Variants in FLG2 observed in about 807,000 individuals in gnomAD.
The protein encoded by FLG2 is filaggrin-2.
Under a neutral mutation model 3.9 loss-of-function variants are expected in FLG2, and 7 were observed. The ratio of observed to expected loss-of-function variants is 1.79; its 90% CI spans 1.02 to 3.36. The LOEUF (loss-of-function observed/expected upper bound fraction) is 3.36. FLG2 is among the 30% of genes most tolerant of loss of function. FLG2 has a pLI of 0.00. For synonymous variants in FLG2, 1,031 were observed against 1,056.1 expected (o/e 0.98, Z 0.46); for missense variants, 2,700 against 2,809.4 (o/e 0.96, Z 0.88).
chr1:152,356,975 C>T lies in FLG2; in HGVS notation c.811G>A (p.Gly271Arg). The part of the protein sequence containing the change: ...QKLGSSCSGS[G>R]DSGRRSHACG... ...GCATGACTTCGCCTCCCACTGTCTC[C>T]TGAACCTGAACAGCTAGACCCAAGC... is the stretch of plus-strand genomic sequence containing the variant. The change falls in exon 3 of 3, where the codon GGA becomes AGA. Residue 271 changes from glycine (G) to arginine (R), a missense_variant. Coordinates refer to ENST00000388718, the MANE Select transcript of FLG2 (RefSeq NM_001014342.3). 1 of 1,614,236 alleles carries T rather than the reference C, an allele frequency of 6.2e-7. No individual in the cohort carries two copies. The highest frequency in any genetic ancestry group is 8.5e-7 in the Non-Finnish European group (1 of 1,180,044).
At position 152,356,815 on chromosome 1, in the gene FLG2, C is replaced by T; in HGVS notation, c.971G>A (p.Gly324Glu). The stretch of plus-strand genomic sequence containing the variant: ...TCCTGAGACACAGCCATGGCCTTGT[C>T]CTCCCTTAATTCCTGACTGACAGCC... ...QSGCQSGIKG[G>E]QGHGCVSGGQ... Residue 324 changes from glycine to glutamate, a missense_variant, in exon 3 of 3, where the codon GGA becomes GAA. Physicochemically the swap from Gly to Glu is moderately conservative, Grantham distance 98. Coordinates refer to ENST00000388718, the MANE Select transcript of FLG2 (RefSeq NM_001014342.3). 1.2e-6 allele frequency: 2 copies of T among 1,614,208 alleles called. No homozygotes were observed. Among genetic ancestry groups the T allele is most frequent in the East Asian group, 4.5e-5 (2 of 44,890 alleles).
chr1:152,358,573 T>C (rs570885922), intron 2 of FLG2, among the ~76,000 whole-genome samples, 174 bp downstream of exon 2: 1 of 152,290 alleles, frequency 6.6e-6, no homozygotes, highest in South Asian at 2.1e-4. Context: ...GGACGAAACA[T>C]TCACTTTCTT....
At chr1:152,358,426 T>A (rs1439966704) in intron 2 of FLG2, among the ~76,000 whole-genome samples, 1 of 152,144 alleles carries the variant, frequency 6.6e-6, no homozygotes, top group African/African-American at 2.4e-5. Flanking sequence ...TTTCTATACT[T>A]TTTTTTCCAT....
In FLG2 at chr1:152,357,605, G is replaced by C; in HGVS notation, c.181C>G (p.Leu61Val). The C allele has an allele frequency of 6.2e-7, 1 of 1,613,874 alleles. No individual in the cohort carries two copies. Among genetic ancestry groups the C allele is most frequent in the Non-Finnish European group, 8.5e-7 (1 of 1,179,920 alleles). The change falls in exon 3 of 3, where the codon CTG (leucine) becomes GTG (valine). Residue 61 changes from leucine to valine, a missense_variant. Leu to Val is a conservative substitution (Grantham distance 32, BLOSUM62 1). Transcript: ENST00000388718. ...PDTVDVIMHMLDRDHDRRLDF... is the reference protein window; with the variant it reads ...PDTVDVIMHMVDRDHDRRLDF... ...AATCTTCTGTCATGATCTCGATCCA[G>C]CATATGCATGATGACATCCACTGTG...
Position 152,355,356 on chromosome 1 carries a change from A to G in FLG2, c.2430T>C (p.Tyr810=), listed in dbSNP as rs1270254316. Reference sequence around the variant, plus strand: ...CAGCGGACTGACCTGAGCCTGATCCATATTGGCCAAAGCCAGTGGATTGAC... The same window carrying G: ...CAGCGGACTGACCTGAGCCTGATCCGTATTGGCCAAAGCCAGTGGATTGAC... The part of the protein sequence containing the change: ...GSSQSTGFGQ[Y]GSGSGQSAGF... The change falls in exon 3 of 3, where the codon TAT becomes TAC. Residue 810 remains tyrosine, a synonymous_variant. Transcript: ENST00000388718. 1 of 1,613,874 alleles carries G rather than the reference A, an allele frequency of 6.2e-7. No homozygotes were observed. The highest frequency in any genetic ancestry group is 1.3e-5 in the African/African-American group (1 of 74,980).
rs546045081 is a variant in FLG2, at chr1:152,350,673, G to T, written c.7113C>A (p.Ile2371=). The change falls in exon 3 of 3, where the codon ATC becomes ATA. Residue 2371 remains isoleucine (I), a synonymous_variant. Transcript: ENST00000388718. The part of the protein sequence containing the change: ...YGPSGGSRKS[I]SNSHLSWSTD... ...TTGACCATGAAAGGTGAGAATTACT[G>T]ATGCTTTTTCTGCTGCCACCAGAAG... 6.2e-7 allele frequency: 1 copy of T among 1,614,180 alleles called. No homozygotes were observed. Among genetic ancestry groups the T allele is most frequent in the Non-Finnish European group, 8.5e-7 (1 of 1,180,028 alleles).
Position 152,353,195 on chromosome 1 carries a change from C to T in FLG2, c.4591G>A (p.Glu1531Lys), listed in dbSNP as rs746579887. The stretch of plus-strand genomic sequence containing the variant: ...CTGTCATGAATTATGGATTCTGACT[C>T]TCCATGTTGAGATCCACTTTGGCCG... ...THGQSGSQHG[E>K]SESIIHDRHR... The change falls in exon 3 of 3, where the codon GAG becomes AAG. Residue 1531 changes from glutamate (E) to lysine (K), a missense_variant. Glu to Lys is a moderately conservative substitution (Grantham distance 56). Coordinates refer to ENST00000388718, the MANE Select transcript of FLG2 (RefSeq NM_001014342.3). 6 of 1,611,682 alleles carry T rather than the reference C, an allele frequency of 3.7e-6. No homozygotes were observed. Among genetic ancestry groups the T allele is most frequent in the East Asian group, 4.5e-5 (2 of 44,700 alleles).
At position 152,357,588 on chromosome 1, in the gene FLG2, G is replaced by C. The variant is rs762271472; in HGVS notation, c.198C>G (p.Asp66Glu). ...VIMHMLDRDH[D>E]RRLDFTEFLL... ...GAAACTCAGTAAAGTCCAATCTTCT[G>C]TCATGATCTCGATCCAGCATATGCA... Residue 66 changes from aspartate (D) to glutamate (E), a missense_variant, in exon 3 of 3, where the codon GAC becomes GAG. By Grantham distance (45) the Asp-to-Glu change is conservative (BLOSUM62 2). Coordinates refer to ENST00000388718, the MANE Select transcript of FLG2 (RefSeq NM_001014342.3). The C allele has an allele frequency of 6.8e-6, 11 of 1,613,916 alleles. No individual in the cohort carries two copies. In the African/African-American group the frequency reaches 1.2e-4, roughly 18 times the overall value.
Position 152,354,943 on chromosome 1 carries a change from A to C in FLG2, c.2843T>G (p.Phe948Cys), listed in dbSNP as rs748702619. The change falls in exon 3 of 3, where the codon TTT becomes TGT. Residue 948 changes from phenylalanine to cysteine, a missense_variant. Phe to Cys is a radical substitution (Grantham distance 205, BLOSUM62 -2). Coordinates refer to ENST00000388718, the MANE Select transcript of FLG2 (RefSeq NM_001014342.3). The stretch of plus-strand genomic sequence containing the variant: ...ACCTGAGCCTGACCTGTGTTGTCCA[A>C]ATCCAAAAGTCTGTCCTGAACTTGA... ...HGSSSGQTFG[F>C]GQHRSGSGQS... 2.5e-6 allele frequency: 4 copies of C among 1,611,876 alleles called. No individual in the cohort carries two copies. Among genetic ancestry groups the C allele is most frequent in the Non-Finnish European group, 2.5e-6 (3 of 1,179,456 alleles).
In FLG2 at chr1:152,352,475, G is replaced by A. The variant is rs1371181300; in HGVS notation, c.5311C>T (p.His1771Tyr). 2 of 1,613,070 alleles carry A rather than the reference G, an allele frequency of 1.2e-6. No homozygotes were observed. The highest frequency in any genetic ancestry group is 4.5e-5 in the East Asian group (2 of 44,810). Residue 1771 changes from histidine (H) to tyrosine (Y), a missense_variant, in exon 3 of 3, where the codon CAT (histidine) becomes TAT (tyrosine). Transcript: ENST00000388718. ...CTGGTGGTATCGCCTGTCTGTCCATGTATAGTTCCATGTCTCTCATGAACT... is the reference window on the plus strand; with the variant it reads ...CTGGTGGTATCGCCTGTCTGTCCATATATAGTTCCATGTCTCTCATGAACT... ...SIVHERHGTI[H>Y]GQTGDTTRHA...
rs12067755 is a variant in FLG2, at chr1:152,352,578, C to A, written c.5208G>T (p.Gly1736=). ...SGHSEYSDSE[G]YSGVSHTHSG... is the part of the protein sequence containing the mutation. ...AATGTGTATGTGAGACTCCTGAGTA[C>A]CCTTCACTGTCACTGTACTCACTGT... Residue 1736 remains glycine, a synonymous_variant, in exon 3 of 3, where the codon GGG becomes GGT. Coordinates refer to ENST00000388718, the MANE Select transcript of FLG2 (RefSeq NM_001014342.3). 2,794 of 1,613,686 alleles carry A rather than the reference C, an allele frequency of 1.7e-3. 34 individuals carry two copies. In the African/African-American group the frequency reaches 0.032, roughly 18 times the overall value.
Position 152,357,630 on chromosome 1 carries a change from G to A in FLG2, c.156C>T (p.Asp52=). The change falls in exon 3 of 3, where the codon GAC becomes GAT. Residue 52 remains aspartate (D), a synonymous_variant. Coordinates refer to ENST00000388718, the MANE Select transcript of FLG2 (RefSeq NM_001014342.3). ...HPVLKNPDDP[D]TVDVIMHMLD... is the part of the protein sequence containing the mutation. ...GCATATGCATGATGACATCCACTGT[G>A]TCTGGATCATCTGGGTTCTGTATAT... The A allele has an allele frequency of 6.2e-7, 1 of 1,612,668 alleles. No homozygotes were observed. The highest frequency in any genetic ancestry group is 8.5e-7 in the Non-Finnish European group (1 of 1,179,288).
rs777858716 is a variant in FLG2 at position 152,354,034 on chromosome 1, T to C, written c.3752A>G (p.Gln1251Arg). 6 of 1,614,108 alleles carry C rather than the reference T, an allele frequency of 3.7e-6. No homozygotes were observed. Among genetic ancestry groups the C allele is most frequent in the Non-Finnish European group, 5.1e-6 (6 of 1,179,912 alleles). ...GQTINTTRHS[Q>R]SGQGQSTQTG... is the part of the protein sequence containing the mutation. ...CTGTGTGGATTGTCCTTGACCAGAC[T>C]GGCTATGTCTAGTGGTATTTATTGT... The change falls in exon 3 of 3, where the codon CAG (glutamine) becomes CGG (arginine). Residue 1251 changes from glutamine to arginine, a missense_variant. Physicochemically the swap from Gln to Arg is conservative, Grantham distance 43. Transcript: ENST00000388718.
rs770197697 is a variant in FLG2, at chr1:152,357,016, C to T, written c.770G>A (p.Arg257Lys). Residue 257 changes from arginine (R) to lysine (K), a missense_variant, in exon 3 of 3, where the codon AGA becomes AAA. By Grantham distance (26) the Arg-to-Lys change is conservative. Transcript: ENST00000388718. The part of the protein sequence containing the change: ...SGHESNSTQS[R>K]IREQKLGSSC... ...AGACCCAAGCTTTTGTTCTCTAATTCTTGACTGAGTAGAGTTTGATTCATG... is the reference window on the plus strand; with the variant it reads ...AGACCCAAGCTTTTGTTCTCTAATTTTTGACTGAGTAGAGTTTGATTCATG... 1.9e-5 allele frequency: 31 copies of T among 1,614,108 alleles called. No homozygotes were observed. Among genetic ancestry groups the T allele is most frequent in the Admixed American group, 1.2e-4 (7 of 59,998 alleles).
At position 152,352,424 on chromosome 1, in the gene FLG2, A is replaced by G. The variant is rs575715213; in HGVS notation, c.5362T>C (p.Ser1788Pro). The G allele has an allele frequency of 2.3e-5, 36 of 1,596,404 alleles. No homozygotes were observed. In the Admixed American group the frequency reaches 5.1e-4, roughly 23 times the overall value. Reference protein sequence around the residue: ...TRHAHSGHGQSTQTGSRTTGR... With the variant: ...TRHAHSGHGQPTQTGSRTTGR... ...GTGGTCCTGGACCCTGTCTGTGTGG[A>G]CTGTCCATGACCAGAGTGGGCATGT... is the stretch of plus-strand genomic sequence containing the variant. The change falls in exon 3 of 3, where the codon TCC becomes CCC. Residue 1788 changes from serine (S) to proline (P), a missense_variant. Physicochemically the swap from Ser to Pro is moderately conservative, Grantham distance 74. Transcript: ENST00000388718.
rs1388782332 is a variant in FLG2, at chr1:152,352,472, C to A, written c.5314G>T (p.Gly1772Ter). ...IVHERHGTIH[G>*]QTGDTTRHAH... is the part of the protein sequence containing the mutation. ...TGTCTGGTGGTATCGCCTGTCTGTCCATGTATAGTTCCATGTCTCTCATGA... is the reference window on the plus strand; with the variant it reads ...TGTCTGGTGGTATCGCCTGTCTGTCAATGTATAGTTCCATGTCTCTCATGA... The change falls in exon 3 of 3, where the codon GGA (glycine) becomes TGA (stop). Residue 1772 changes from glycine to a stop codon, truncating the protein, a stop_gained. Coordinates refer to ENST00000388718, the MANE Select transcript of FLG2 (RefSeq NM_001014342.3). LOFTEE classifies it low-confidence loss of function (END_TRUNC). 1 of 1,613,130 alleles carries A rather than the reference C, an allele frequency of 6.2e-7. No homozygotes were observed.
Position 152,353,488 on chromosome 1 carries a change from T to G in FLG2, c.4298A>C (p.His1433Pro), listed in dbSNP as rs1654052589. Reference protein sequence around the residue: ...GHSESSDSEVHSGGSHRPQSQ... With the variant: ...GHSESSDSEVPSGGSHRPQSQ... ...TTGTGGTCTGTGTGAGCCCCCTGAGTGCACTTCACTGTCACTGGACTCACT... is the reference window on the plus strand; with the variant it reads ...TTGTGGTCTGTGTGAGCCCCCTGAGGGCACTTCACTGTCACTGGACTCACT... The change falls in exon 3 of 3, where the codon CAC (histidine) becomes CCC (proline). Residue 1433 changes from histidine (H) to proline (P), a missense_variant. His to Pro is a moderately conservative substitution (Grantham distance 77). Transcript: ENST00000388718. The G allele has an allele frequency of 6.2e-7, 1 of 1,613,626 alleles. No individual in the cohort carries two copies.
At chr1:152,358,966 T>G in intron 1 of FLG2, 60 bp from the exon 2 acceptor site, 1 of 1,436,464 alleles carries the variant, frequency 7.0e-7, no homozygotes, top group South Asian at 1.4e-5. Context: ...TCAGCAATTT[T>G]CATTTTAATA....
Position 152,357,120 on chromosome 1 carries a change from C to A in FLG2, c.666G>T (p.Glu222Asp), listed in dbSNP as rs1654268682. 2 of 1,614,170 alleles carry A rather than the reference C, an allele frequency of 1.2e-6. No homozygotes were observed. The highest frequency in any genetic ancestry group is 1.7e-6 in the Non-Finnish European group (2 of 1,180,014). Residue 222 changes from glutamate (E) to aspartate (D), a missense_variant, in exon 3 of 3, where the codon GAG becomes GAT. By Grantham distance (45) the Glu-to-Asp change is conservative. Coordinates refer to ENST00000388718, the MANE Select transcript of FLG2 (RefSeq NM_001014342.3). ...TGTTTGATCCAGATCCAGATTCATA[C>A]TCCTCCCCAGATTCCCTAGAAGGGC... is the stretch of plus-strand genomic sequence containing the variant. ...HISPSRESGE[E>D]YESGSGSNSW...
Sources: allele counts gnomAD v4.1 joint callset (sites outside exome capture counted in the v4.1 genomes callset), GRCh38; gene constraint gnomAD v4.1.1; transcripts MANE v1.5; gene names NCBI Gene and HGNC (gene_info 2026-07-23, HGNC 2026-07-21).